Variants in MTUS1 observed in about 807,000 individuals in gnomAD.
The protein encoded by MTUS1 is microtubule associated scaffold protein 1.
A neutral mutation model predicts 120.8 loss-of-function variants in MTUS1; 109 were observed. The ratio of observed to expected loss-of-function variants is 0.90; its 90% CI spans 0.77 to 1.06. The LOEUF (loss-of-function observed/expected upper bound fraction) is 1.06. Ranked by LOEUF, MTUS1 falls within the 50% of genes least tolerant of loss-of-function variation. The pLI, the probability that MTUS1 is intolerant of heterozygous loss-of-function variation, is 0.00. For synonymous variants in MTUS1, 737 were observed against 550.5 expected (o/e 1.34, Z -4.74); for missense variants, 2,210 against 1,486.3 (o/e 1.49, Z -8.01).
chr8:17,689,154 T>C (rs994027128), intron 6 of MTUS1, among the ~76,000 whole-genome samples: 1 of 152,180 alleles, frequency 6.6e-6, no homozygotes, highest in African/African-American at 2.4e-5. Context: ...GAAGTTCCAG[T>C]GAGCCGAGAT....
chr8:17,676,080 T>C (rs1211495062), intron 7 of MTUS1: 2 of 572,276 alleles, frequency 3.5e-6, no homozygotes, highest in African/African-American at 3.8e-5. Flanking sequence ...CAAAGCTCGC[T>C]GAAAAATGCC....
At chr8:17,778,655 A>G (rs2050639709) in intron 1 of MTUS1, among the ~76,000 whole-genome samples, 1 of 152,054 alleles carries the variant, frequency 6.6e-6, no homozygotes, top group African/African-American at 2.4e-5. Flanking sequence ...CAAAAAATCC[A>G]AAAATTAGCC....
intron 6 of MTUS1, among the ~76,000 whole-genome samples, chr8:17,706,429 A>C (rs925423888): frequency 2.0e-5 from 3 of 152,180 alleles, no homozygotes; most frequent in Non-Finnish European, 4.4e-5. Context: ...GCTTTTCTAC[A>C]TTGTCTTATG....
At chr8:17,685,305 G>T (rs1397915975) in intron 6 of MTUS1, among the ~76,000 whole-genome samples, 1 of 151,608 alleles carries the variant, frequency 6.6e-6, no homozygotes, top group East Asian at 1.9e-4. Flanking sequence ...TGGTGCCCTG[G>T]GTATTACTCT....
At chr8:17,724,469 G>A (rs2046078082) in intron 3 of MTUS1, among the ~76,000 whole-genome samples, 1 of 151,936 alleles carries the variant, frequency 6.6e-6, no homozygotes, top group African/African-American at 2.4e-5. Flanking sequence ...CTAACACCAG[G>A]TGGTGCTATA....
At chr8:17,772,008 G>A (rs1407901121) in intron 1 of MTUS1, among the ~76,000 whole-genome samples, 1 of 152,212 alleles carries the variant, frequency 6.6e-6, no homozygotes, top group East Asian at 1.9e-4. Flanking sequence ...GAATTGTGCA[G>A]GGTAGTGGCC....
intron 8 of MTUS1, among the ~76,000 whole-genome samples, chr8:17,661,243 C>T (rs938900531): frequency 5.3e-5 from 8 of 152,148 alleles, no homozygotes; most frequent in East Asian, 1.9e-4. Flanking sequence ...CTTTGCAAGC[C>T]GTTGGTGAAG....
At chr8:17,697,264 G>A in intron 6 of MTUS1, 1 of 1,613,694 alleles carries the variant, frequency 6.2e-7, no homozygotes, top group Non-Finnish European at 8.5e-7. Flanking sequence ...GACCTGTGTG[G>A]AAAACAACAG....
At chr8:17,741,128 C>G (rs1299056864) in intron 3 of MTUS1, among the ~76,000 whole-genome samples, 1 of 152,158 alleles carries the variant, frequency 6.6e-6, no homozygotes, top group African/African-American at 2.4e-5. Context: ...ATCCACCTGC[C>G]TCAGCCTCCC....
intron 12 of MTUS1, among the ~76,000 whole-genome samples, chr8:17,650,650 A>G (rs1445536092): frequency 6.6e-6 from 1 of 152,190 alleles, no homozygotes; most frequent in Non-Finnish European, 1.5e-5. Flanking sequence ...TCAAGGCTGC[A>G]GTGAACTGTG....
chr8:17,666,425 G>T (rs926476544), intron 8 of MTUS1, among the ~76,000 whole-genome samples: 1 of 152,122 alleles, frequency 6.6e-6, no homozygotes, highest in Non-Finnish European at 1.5e-5. Context: ...TTATTTATAA[G>T]AATGGACTCA....
intron 3 of MTUS1, among the ~76,000 whole-genome samples, chr8:17,727,274 G>A (rs1272910621): frequency 1.3e-5 from 2 of 152,228 alleles, no homozygotes; most frequent in Non-Finnish European, 1.5e-5. Flanking sequence ...TAATAGATGA[G>A]AAGACTACTT....
chr8:17,784,144 T>C, intron 1 of MTUS1, among the ~76,000 whole-genome samples: 1 of 152,230 alleles, frequency 6.6e-6, no homozygotes, highest in Non-Finnish European at 1.5e-5. Flanking sequence ...CTTTTGATAC[T>C]AACTTCCTAT....
At chr8:17,777,815 A>C (rs1025281004) in intron 1 of MTUS1, among the ~76,000 whole-genome samples, 8 of 152,258 alleles carry the variant, frequency 5.3e-5, no homozygotes. Context: ...GCAGATTTTC[A>C]GTATATTTTC....
intron 7 of MTUS1, among the ~76,000 whole-genome samples, chr8:17,682,292 G>C (rs1294038764): frequency 2.6e-5 from 4 of 152,136 alleles, no homozygotes; most frequent in Non-Finnish European, 5.9e-5. Flanking sequence ...GAGGTGAGCG[G>C]ATCACCTGAG....
At chr8:17,681,716 T>A (rs17633543) in intron 7 of MTUS1, 1 of 154,712 alleles carries the variant, frequency 6.5e-6, no homozygotes, top group African/African-American at 2.4e-5. Flanking sequence ...CATCTGGGCA[T>A]GATAATAACA....
rs117904835 is a variant in MTUS1, at chr8:17,694,195, G to A, written c.2624-9653C>T. ...TCTTCCCTTGGCCTCCCAAAGTACT[G>A]GGATTATAGGTGTGAGCCAGTGGCA... On this transcript the variant is annotated intron_variant, in intron 6 of 14. Transcript: ENST00000693296. 9.2e-3 allele frequency among the ~76,000 whole-genome samples: 1,405 copies of A among 152,232 alleles called. 11 individuals are homozygous for A. Among genetic ancestry groups the A allele is most frequent in the Non-Finnish European group, 0.012 (835 of 68,018 alleles).
At chr8:17,653,588 G>C in intron 10 of MTUS1, 90 bp from the exon 11 acceptor site, 2 of 906,424 alleles carry the variant, frequency 2.2e-6, no homozygotes, top group Non-Finnish European at 3.4e-6. Flanking sequence ...TGTAGGGGTT[G>C]ATGATGAAGC....
intron 8 of MTUS1, among the ~76,000 whole-genome samples, chr8:17,662,915 G>C (rs1217726475): frequency 6.6e-6 from 1 of 151,222 alleles, no homozygotes; most frequent in African/African-American, 2.4e-5. Flanking sequence ...AGGAAAGGAA[G>C]GCAAACTCAT....
Sources: allele counts gnomAD v4.1 joint callset (sites outside exome capture counted in the v4.1 genomes callset), GRCh38; gene constraint gnomAD v4.1.1; transcripts MANE v1.5; gene names NCBI Gene and HGNC (gene_info 2026-07-23, HGNC 2026-07-21).